Variants in NALF1 observed in about 807,000 individuals in gnomAD.
NALF1 encodes NALCN channel auxiliary factor 1, also known as family with sequence similarity 155 member A.
In NALF1, 3 loss-of-function variants were observed where a neutral mutation model predicts 48.4. That is an observed-to-expected ratio of 0.06 (90% confidence interval 0.03 to 0.16). The LOEUF is 0.16. NALF1 is among the 10% of genes least tolerant of loss of function. The pLI is 1.00. For missense variants in NALF1, 526 were observed against 571.5 expected, an observed-to-expected ratio of 0.92 and a Z score of 0.81; for synonymous variants, 262 against 245.7, an observed-to-expected ratio of 1.07 and a Z score of -0.62.
intron 1 of NALF1, among the ~76,000 whole-genome samples, chr13:107,760,319 C>T (rs1463965276): frequency 1.3e-5 from 2 of 151,446 alleles, no homozygotes; most frequent in African/African-American, 4.9e-5. Flanking sequence ...TTTTAAAAAT[C>T]AACATGATGC....
intron 2 of NALF1, among the ~76,000 whole-genome samples, chr13:107,197,614 C>T (rs994096887): frequency 6.6e-6 from 1 of 152,230 alleles, no homozygotes; most frequent in African/African-American, 2.4e-5. Flanking sequence ...TGCATTCTCC[C>T]TTCAGGCTGA....
intron 1 of NALF1, among the ~76,000 whole-genome samples, chr13:107,254,062 A>AAAAAAAAAAAAAAATATATAT: frequency 1.4e-5 from 2 of 138,578 alleles, no homozygotes; most frequent in Non-Finnish European, 3.2e-5. Flanking sequence ...CAAGTACTAA[A>AAAAAAAAAAAAAAATATATAT]ATATATATAT....
intron 1 of NALF1, chr13:107,835,434 C>T (rs369160309): frequency 3.9e-5 from 6 of 152,202 alleles, no homozygotes; most frequent in Non-Finnish European, 8.8e-5. Context: ...AGTCTACCAG[C>T]CACTCCTCTG....
chr13:107,535,842 G>T (rs1188597758), intron 1 of NALF1, among the ~76,000 whole-genome samples: 1 of 152,150 alleles, frequency 6.6e-6, no homozygotes, highest in Non-Finnish European at 1.5e-5. Flanking sequence ...CAAGGCTACA[G>T]TAACCAAAAC....
chr13:107,563,655 T>C (rs112893872), intron 1 of NALF1, among the ~76,000 whole-genome samples: 34 of 152,350 alleles, frequency 2.2e-4, no homozygotes, highest in African/African-American at 7.7e-4. Context: ...TGTCCCTCTT[T>C]ACTGAAAGTC....
intron 1 of NALF1, among the ~76,000 whole-genome samples, chr13:107,510,097 C>T (rs77046217): frequency 0.047 from 7,217 of 152,182 alleles, 577 homozygotes; most frequent in African/African-American, 0.17. Context: ...GTGTGAGCCA[C>T]AGCATTTGGC....
At chr13:107,847,734 C>CAA (rs1880210177) in intron 1 of NALF1, among the ~76,000 whole-genome samples, 1 of 152,136 alleles carries the variant, frequency 6.6e-6, no homozygotes, top group Admixed American at 6.6e-5. Context: ...AGCAGAGCCT[C>CAA]AAATAAGACC....
At chr13:107,521,704 G>C (rs1403677454) in intron 1 of NALF1, among the ~76,000 whole-genome samples, 2 of 152,120 alleles carry the variant, frequency 1.3e-5, no homozygotes, top group Non-Finnish European at 2.9e-5. Flanking sequence ...CAGCTGGTTA[G>C]TGGGTGGCTA....
At chr13:107,439,779 A>C (rs1271241154) in intron 1 of NALF1, among the ~76,000 whole-genome samples, 1 of 152,178 alleles carries the variant, frequency 6.6e-6, no homozygotes, top group East Asian at 1.9e-4. Flanking sequence ...TTCTGACAAT[A>C]AACCACCTTC....
intron 1 of NALF1, among the ~76,000 whole-genome samples, chr13:107,843,706 C>T (rs1455829598): frequency 1.3e-5 from 2 of 152,086 alleles, no homozygotes; most frequent in Non-Finnish European, 2.9e-5. Flanking sequence ...CATGGATGAC[C>T]TCTTTACTGC....
intron 1 of NALF1, among the ~76,000 whole-genome samples, chr13:107,366,294 T>G (rs904991623): frequency 6.6e-6 from 1 of 152,228 alleles, no homozygotes; most frequent in African/African-American, 2.4e-5. Context: ...GATTCATCTA[T>G]CCTTGTGATG....
intron 1 of NALF1, among the ~76,000 whole-genome samples, chr13:107,319,367 G>C (rs916751247): frequency 4.6e-5 from 7 of 152,056 alleles, no homozygotes; most frequent in African/African-American, 1.7e-4. Context: ...CCAAAAGCAG[G>C]AAGGTTATTA....
intron 1 of NALF1, among the ~76,000 whole-genome samples, chr13:107,845,726 C>T (rs1224874381): frequency 6.6e-6 from 1 of 152,064 alleles, no homozygotes; most frequent in Non-Finnish European, 1.5e-5. Context: ...AAACACATAC[C>T]TCCATGCTAA....
At chr13:107,715,542 G>C (rs985049416) in intron 1 of NALF1, among the ~76,000 whole-genome samples, 1 of 152,144 alleles carries the variant, frequency 6.6e-6, no homozygotes, top group Non-Finnish European at 1.5e-5. Context: ...TCCTGTGCCC[G>C]ATCAGGGAGT....
At chr13:107,397,527 A>G (rs1220246477) in intron 1 of NALF1, among the ~76,000 whole-genome samples, 1 of 152,130 alleles carries the variant, frequency 6.6e-6, no homozygotes, top group African/African-American at 2.4e-5. Context: ...TTGTCCTGAG[A>G]GGCAGTCACG....
At chr13:107,855,785 G>A (rs975001836) in intron 1 of NALF1, among the ~76,000 whole-genome samples, 2 of 152,146 alleles carry the variant, frequency 1.3e-5, no homozygotes, top group African/African-American at 2.4e-5. Flanking sequence ...CTTAATTACC[G>A]CTTTGATAAA....
chr13:107,541,823 T>C (rs550870472), intron 1 of NALF1, among the ~76,000 whole-genome samples: 15 of 152,242 alleles, frequency 9.9e-5, no homozygotes, highest in Non-Finnish European at 2.2e-4. Flanking sequence ...ATGATGGCTT[T>C]GTTTCAGTGA....
intron 1 of NALF1, among the ~76,000 whole-genome samples, chr13:107,259,722 A>C (rs1880893774): frequency 6.6e-6 from 1 of 152,224 alleles, no homozygotes; most frequent in Non-Finnish European, 1.5e-5. Context: ...AGGCATATAT[A>C]GTTATCTGAA....
intron 1 of NALF1, among the ~76,000 whole-genome samples, chr13:107,241,504 T>A (rs1880470922): frequency 6.6e-6 from 1 of 152,200 alleles, no homozygotes; most frequent in African/African-American, 2.4e-5. Flanking sequence ...CAGTAGCCCA[T>A]TAGCTGTGTA....
Sources: gnomAD v4.1 joint callset for allele counts (sites outside exome capture counted in the v4.1 genomes callset) on GRCh38, gnomAD v4.1.1 for gene constraint, MANE v1.5 for transcripts, NCBI Gene and HGNC (gene_info 2026-07-23, HGNC 2026-07-21) for gene names.